SMAP1: variants seen among roughly 807,000 people sequenced by gnomAD.
The protein encoded by SMAP1 is stromal membrane-associated protein 1.
SMAP1 carries 24 observed loss-of-function variants against 58.5 expected under a neutral mutation model. The observed-to-expected ratio is 0.41, with a 90% CI of 0.30 to 0.58. SMAP1 has a LOEUF of 0.58. Among genes scored for constraint, SMAP1 ranks in the 20% least tolerant of loss-of-function variants. The probability of loss-of-function intolerance (pLI) is 0.29; values close to 1 mark genes in which losing one functional copy is unlikely to be tolerated. For missense variants in SMAP1, 563 were observed against 566.3 expected (o/e 0.99, Z 0.06); for synonymous variants, 216 against 196.6 (o/e 1.10, Z -0.82).
chr6:70,815,367 G>GT (rs1769573171), intron 6 of SMAP1, among the ~76,000 whole-genome samples: 1 of 152,176 alleles, frequency 6.6e-6, no homozygotes, highest in Non-Finnish European at 1.5e-5. Flanking sequence ...GTCCAATTGT[G>GT]TAAGTTACCT....
chr6:70,778,004 G>A (rs1166145371), intron 4 of SMAP1, among the ~76,000 whole-genome samples: 2 of 152,042 alleles, frequency 1.3e-5, no homozygotes, highest in South Asian at 2.1e-4. Context: ...CCCCTGCCTC[G>A]GGCTCCCAAA....
rs2149865499 is a variant in SMAP1, at chr6:70,735,120, G to A, written c.252+2609G>A. Among the ~76,000 whole-genome samples the A allele has an allele frequency of 2.6e-5, 4 of 152,144 alleles. No homozygotes were observed. In the South Asian group the frequency reaches 8.3e-4, roughly 32 times the overall value. On this transcript the variant is annotated intron_variant, in intron 2 of 10. Coordinates refer to ENST00000370455, the MANE Select transcript of SMAP1 (RefSeq NM_001044305.3). ...TAATTGTTTTACTCTGAAAATAAAC[G>A]TATAAAACCAAAAAAAGAAAAAACT...
chr6:70,842,513 G>C (rs757267086), intron 7 of SMAP1, among the ~76,000 whole-genome samples: 5 of 152,176 alleles, frequency 3.3e-5, no homozygotes, highest in Non-Finnish European at 5.9e-5. Context: ...AGAAGGGACA[G>C]CTTCTTAGAA....
At chr6:70,777,257 C>T (rs1767583920) in intron 4 of SMAP1, among the ~76,000 whole-genome samples, 1 of 152,212 alleles carries the variant, frequency 6.6e-6, no homozygotes, top group African/African-American at 2.4e-5. Context: ...AACCCTGTAC[C>T]TCAGATGGAA....
intron 8 of SMAP1, chr6:70,856,557 A>G (rs1190661329): frequency 9.4e-6 from 2 of 212,716 alleles, no homozygotes; most frequent in East Asian, 9.6e-5. Context: ...ATCTCTAACT[A>G]TTGTTGAGCC....
chr6:70,853,124 A>G (rs1248588681), intron 8 of SMAP1, among the ~76,000 whole-genome samples: 1 of 152,154 alleles, frequency 6.6e-6, no homozygotes, highest in African/African-American at 2.4e-5. Context: ...GTTCTAGCAA[A>G]TTTAGTACTG....
At chr6:70,710,052 T>A (rs1429892054) in intron 1 of SMAP1, among the ~76,000 whole-genome samples, 1 of 152,210 alleles carries the variant, frequency 6.6e-6, no homozygotes, top group Non-Finnish European at 1.5e-5. Context: ...TCTCTGTGTC[T>A]AGGCTGTCAT....
chr6:70,737,189 T>A (rs1420120581), intron 2 of SMAP1, among the ~76,000 whole-genome samples: 1 of 152,222 alleles, frequency 6.6e-6, no homozygotes, highest in Non-Finnish European at 1.5e-5. Flanking sequence ...TCACCTAGGC[T>A]GGAGTGCAGT....
chr6:70,671,565 A>G (rs1168110458), intron 1 of SMAP1, among the ~76,000 whole-genome samples: 1 of 152,194 alleles, frequency 6.6e-6, no homozygotes, highest in Non-Finnish European at 1.5e-5. Flanking sequence ...GTGACAGAAC[A>G]AGACTCCGTC....
intron 6 of SMAP1, among the ~76,000 whole-genome samples, chr6:70,821,455 T>G (rs778839844): frequency 1.3e-5 from 2 of 152,114 alleles, no homozygotes. Flanking sequence ...AAGAAAAATA[T>G]CCTAGTGAGT....
intron 1 of SMAP1, among the ~76,000 whole-genome samples, chr6:70,688,142 T>G (rs560105992): frequency 6.6e-6 from 1 of 152,354 alleles, no homozygotes; most frequent in South Asian, 2.1e-4. Context: ...AATAGTTCTT[T>G]TCTTTTTATT....
At chr6:70,678,921 C>T (rs550194796) in intron 1 of SMAP1, among the ~76,000 whole-genome samples, 1 of 152,144 alleles carries the variant, frequency 6.6e-6, no homozygotes, top group South Asian at 2.1e-4. Context: ...AAGTTATTCA[C>T]AGAGATTCCA....
chr6:70,782,102 A>T (rs1358759186), intron 4 of SMAP1, among the ~76,000 whole-genome samples: 7 of 152,196 alleles, frequency 4.6e-5, no homozygotes, highest in Non-Finnish European at 2.9e-5. Flanking sequence ...TACTGCATTC[A>T]CTGACACCAC....
intron 1 of SMAP1, among the ~76,000 whole-genome samples, chr6:70,672,393 C>T (rs1766305574): frequency 6.6e-6 from 1 of 152,148 alleles, no homozygotes; most frequent in Admixed American, 6.5e-5. Flanking sequence ...AGCTTTTGCT[C>T]ATCTTTCAAT....
chr6:70,837,105 T>TACTCAAGATAAAGCCA, intron 7 of SMAP1, 77 bp downstream of exon 7: 1 of 1,108,386 alleles, frequency 9.0e-7, no homozygotes, highest in Non-Finnish European at 1.2e-6. Flanking sequence ...ATATAATGGC[T>TACTCAAGATAAAGCCA]TTATCTTGAG....
At chr6:70,691,371 A>G (rs529947879) in intron 1 of SMAP1, among the ~76,000 whole-genome samples, 2 of 152,298 alleles carry the variant, frequency 1.3e-5, no homozygotes, top group African/African-American at 4.8e-5. Context: ...ATATTTTGAT[A>G]TGGGCATACA....
chr6:70,859,340 G>A (rs772047150), intron 10 of SMAP1: 2 of 1,548,438 alleles, frequency 1.3e-6, no homozygotes, highest in East Asian at 2.4e-5. Flanking sequence ...TAATGCAGAA[G>A]GGTGATGCTG....
intron 1 of SMAP1, among the ~76,000 whole-genome samples, chr6:70,719,297 A>G (rs1768412210): frequency 1.3e-5 from 2 of 152,198 alleles, no homozygotes; most frequent in South Asian, 2.1e-4. Context: ...ATACAGGGAT[A>G]CTTTTTTAAA....
intron 2 of SMAP1, among the ~76,000 whole-genome samples, chr6:70,752,300 T>A (rs549413037): frequency 1.4e-4 from 21 of 152,322 alleles, no homozygotes; most frequent in Non-Finnish European, 2.6e-4. Flanking sequence ...CAGGACATAG[T>A]CCCAGTTCCA....
Sources: allele counts gnomAD v4.1 joint callset (sites outside exome capture counted in the v4.1 genomes callset), GRCh38; gene constraint gnomAD v4.1.1; transcripts MANE v1.5; gene names NCBI Gene and HGNC (gene_info 2026-07-23, HGNC 2026-07-21).